The following WDFY4 variants were observed in gnomAD, a reference collection of about 807,000 sequenced individuals.
The protein encoded by WDFY4 is WD repeat- and FYVE domain-containing protein 4.
Under a neutral mutation model 351.9 loss-of-function variants are expected in WDFY4, and 169 were observed. The ratio of observed to expected loss-of-function variants is 0.48; its 90% CI spans 0.42 to 0.55. The LOEUF (loss-of-function observed/expected upper bound fraction) is 0.55. Ranked by LOEUF, WDFY4 falls within the 20% of genes least tolerant of loss-of-function variation. The pLI is 0.00. For missense variants in WDFY4, 3,803 were observed against 3,935.6 expected (o/e 0.97, Z 0.90); for synonymous variants, 1,622 against 1,574.6 (o/e 1.03, Z -0.71).
chr10:48,791,331 T>C (rs2066672166), intron 23 of WDFY4, among the ~76,000 whole-genome samples: 1 of 152,212 alleles, frequency 6.6e-6, no homozygotes, highest in Non-Finnish European at 1.5e-5. Flanking sequence ...ACCTGTAAGA[T>C]ATGGACTGTA....
chr10:48,957,367 G>T, intron 52 of WDFY4, 85 bp downstream of exon 52: 1 of 1,477,196 alleles, frequency 6.8e-7, no homozygotes. Flanking sequence ...AACATCATCT[G>T]GACCTTTGCT....
intron 10 of WDFY4, among the ~76,000 whole-genome samples, chr10:48,734,381 G>A (rs1240189147): frequency 6.6e-6 from 1 of 151,858 alleles, no homozygotes; most frequent in Non-Finnish European, 1.5e-5. Context: ...AGTAACATAC[G>A]GGCAAAGAAA....
At chr10:48,897,646 C>T (rs1031369571) in intron 45 of WDFY4, 72 bp downstream of exon 45, 24 of 1,511,200 alleles carry the variant, frequency 1.6e-5, no homozygotes, top group Non-Finnish European at 2.1e-5. Flanking sequence ...GTCCAGGAGC[C>T]ATCCAGAGAC....
Position 48,968,328 on chromosome 10 carries a change from C to T in WDFY4, c.8585-736C>T, listed in dbSNP as rs998288173. 3.3e-4 allele frequency: 50 copies of T among 152,320 alleles called. 2 individuals carry two copies. The highest frequency in any genetic ancestry group is 2.9e-5 in the Non-Finnish European group (2 of 68,116). The allele number at this position is 152,320 out of a possible 1,614,324, so 9.4% of individuals were successfully genotyped here. On this transcript the variant is annotated intron_variant, in intron 55 of 61. Transcript: ENST00000325239. ...TAAGGGGCCTGGCTTTACTCTCTCCCTTTGATCTGAGCAGCCCCAGAAGGT... is the reference window on the plus strand; with the variant it reads ...TAAGGGGCCTGGCTTTACTCTCTCCTTTTGATCTGAGCAGCCCCAGAAGGT...
intron 13 of WDFY4, among the ~76,000 whole-genome samples, chr10:48,762,352 G>A (rs776032623): frequency 6.6e-6 from 1 of 152,220 alleles, no homozygotes; most frequent in Non-Finnish European, 1.5e-5. Context: ...TTTGGGGAAT[G>A]GACTTCTTGT....
At chr10:48,726,130 G>T in intron 6 of WDFY4, 60 bp downstream of exon 6, 2 of 1,496,500 alleles carry the variant, frequency 1.3e-6, no homozygotes, top group South Asian at 2.5e-5. Context: ...CTTGAACTCA[G>T]AGCAAAGGCT....
At chr10:48,972,710 T>C (rs1375233144) in intron 57 of WDFY4, among the ~76,000 whole-genome samples, 1 of 152,212 alleles carries the variant, frequency 6.6e-6, no homozygotes, top group African/African-American at 2.4e-5. Context: ...GCGATAAACT[T>C]CGAGGAGGAG....
At chr10:48,910,246 T>C (rs759272946) in intron 47 of WDFY4, 4 of 1,610,062 alleles carry the variant, frequency 2.5e-6, no homozygotes, top group East Asian at 2.2e-5. Flanking sequence ...TCTAGGAAGA[T>C]GTCAAGCGTA....
chr10:48,889,642 TC>T (rs1296319829), intron 43 of WDFY4, among the ~76,000 whole-genome samples: 3 of 152,216 alleles, frequency 2.0e-5, no homozygotes, highest in Non-Finnish European at 4.4e-5. Flanking sequence ...ACTCACTTGT[TC>T]CTTTAGGGTT....
chr10:48,871,986 A>G (rs147862279), intron 40 of WDFY4, among the ~76,000 whole-genome samples: 22 of 152,332 alleles, frequency 1.4e-4, no homozygotes, highest in African/African-American at 4.8e-4. Flanking sequence ...GAAGCCCGTG[A>G]TTATTATTAT....
At chr10:48,843,997 G>T (rs942229752) in intron 39 of WDFY4, among the ~76,000 whole-genome samples, 2 of 152,208 alleles carry the variant, frequency 1.3e-5, no homozygotes, top group South Asian at 4.1e-4. Context: ...GAATCAGTCT[G>T]GGCCCTCCTG....
In WDFY4 at chr10:48,902,076, C is replaced by A. The variant is rs76928548; in HGVS notation, c.7586+213C>A. Among the ~76,000 whole-genome samples the A allele has an allele frequency of 7.2e-5, 11 of 151,946 alleles. No homozygotes were observed. In the South Asian group the frequency reaches 2.1e-3, roughly 29 times the overall value. ...TGAACAGACTTGAAGTCTCACATGC[C>A]CTGTGGCTTTTTCAGACCCAAGTGG... On this transcript the variant is annotated intron_variant, in intron 47 of 61. Coordinates refer to ENST00000325239, the MANE Select transcript of WDFY4 (RefSeq NM_001394531.1).
chr10:48,836,880 T>A (rs2068417542), intron 39 of WDFY4, among the ~76,000 whole-genome samples: 1 of 152,094 alleles, frequency 6.6e-6, no homozygotes, highest in African/African-American at 2.4e-5. Flanking sequence ...CTGCACAGGG[T>A]GGCCAGCTCC....
intron 1 of WDFY4, among the ~76,000 whole-genome samples, chr10:48,697,340 TC>T (rs1335477480): frequency 6.6e-6 from 1 of 152,032 alleles, no homozygotes; most frequent in African/African-American, 2.4e-5. Context: ...GCTCTGGGGG[TC>T]TTAGCCTCCC....
At chr10:48,858,446 A>G (rs1047065847) in intron 39 of WDFY4, among the ~76,000 whole-genome samples, 1 of 152,232 alleles carries the variant, frequency 6.6e-6, no homozygotes, top group South Asian at 2.1e-4. Context: ...CAATTGCTCC[A>G]ACACCATTTG....
chr10:48,790,352 TG>T (rs1346347694), intron 22 of WDFY4, among the ~76,000 whole-genome samples: 1 of 152,120 alleles, frequency 6.6e-6, no homozygotes, highest in African/African-American at 2.4e-5. Context: ...GGCAACAAAT[TG>T]GTGCAAGTGC....
intron 12 of WDFY4, among the ~76,000 whole-genome samples, chr10:48,752,962 C>G (rs1303982545): frequency 6.6e-6 from 1 of 152,198 alleles, no homozygotes; most frequent in East Asian, 1.9e-4. Flanking sequence ...TTCACAGCAG[C>G]TGAACCAATT....
intron 1 of WDFY4, among the ~76,000 whole-genome samples, chr10:48,686,905 A>G (rs1459301177): frequency 6.6e-6 from 1 of 152,174 alleles, no homozygotes; most frequent in Non-Finnish European, 1.5e-5. Flanking sequence ...GGTGGGTCAT[A>G]GGTTGTACAT....
At chr10:48,721,946 C>T (rs1017022888) in intron 4 of WDFY4, among the ~76,000 whole-genome samples, 2 of 152,306 alleles carry the variant, frequency 1.3e-5, no homozygotes, top group South Asian at 4.1e-4. Context: ...GAGATGAGGG[C>T]TCTCCTCTTT....
Sources: allele counts gnomAD v4.1 joint callset (sites outside exome capture counted in the v4.1 genomes callset), GRCh38; gene constraint gnomAD v4.1.1; transcripts MANE v1.5; gene names NCBI Gene and HGNC (gene_info 2026-07-23, HGNC 2026-07-21).